CAPN9: variants seen among roughly 807,000 people sequenced by gnomAD.
CAPN9 encodes calpain-9.
CAPN9 carries 81 observed loss-of-function variants against 92.8 expected under a neutral mutation model. That is an observed-to-expected ratio of 0.87 (90% CI 0.73 to 1.05). CAPN9 has a LOEUF of 1.05. Ranked by LOEUF, CAPN9 falls within the 50% of genes least tolerant of loss-of-function variation. The pLI is 0.00. For synonymous variants in CAPN9, 304 were observed against 328.0 expected, an observed-to-expected ratio of 0.93 and a Z score of 0.79; for missense variants, 848 against 866.2, an observed-to-expected ratio of 0.98 and a Z score of 0.26.
intron 19 of CAPN9, among the ~76,000 whole-genome samples, chr1:230,800,151 C>T (rs2102947195): frequency 6.6e-6 from 1 of 150,570 alleles, no homozygotes; most frequent in Non-Finnish European, 1.5e-5. Flanking sequence ...GCACTCCAGC[C>T]TGGGCGACAG....
At chr1:230,749,404 C>G (rs1002376387) in intron 1 of CAPN9, among the ~76,000 whole-genome samples, 10 of 152,244 alleles carry the variant, frequency 6.6e-5, no homozygotes. Flanking sequence ...GCACCGCCCA[C>G]GACCATTAGG....
Position 230,794,021 on chromosome 1 carries a change from A to G in CAPN9, c.1870+1093A>G, listed in dbSNP as rs118034903. 1.9e-4 allele frequency among the ~76,000 whole-genome samples: 29 copies of G among 152,284 alleles called. No homozygotes were observed. The East Asian group carries it at 5.6e-3, about 30-fold the overall frequency. ...CAGCCAGCACTGCCGTGCAGGCTCC[A>G]GGGACTCTGTGCTCTGTGTCTGACC... On this transcript the variant is annotated intron_variant, in intron 17 of 19. Coordinates refer to ENST00000271971, the MANE Select transcript of CAPN9 (RefSeq NM_006615.3).
chr1:230,771,334 C>T (rs6541334), intron 6 of CAPN9, among the ~76,000 whole-genome samples: 105,363 of 152,180 alleles, frequency 0.69, 36,852 homozygotes, highest in African/African-American at 0.72. Context: ...TTACTTTCAC[C>T]CTCTCTCCTC....
chr1:230,792,943 G>A lies in CAPN9; in HGVS notation c.1870+15G>A, dbSNP rs1202738039. ...GAAAGCTGCAGGTAAAGAAAAGACT[G>A]GAGTACAGGTGGCTGACTGCATGCC... On this transcript the variant is annotated intron_variant, in intron 17 of 19. Coordinates refer to ENST00000271971, the MANE Select transcript of CAPN9 (RefSeq NM_006615.3). The A allele has an allele frequency of 3.7e-6, 6 of 1,601,186 alleles. No individual in the cohort carries two copies. Among genetic ancestry groups the A allele is most frequent in the Non-Finnish European group, 4.3e-6 (5 of 1,168,496 alleles).
intron 4 of CAPN9, among the ~76,000 whole-genome samples, chr1:230,765,393 T>TCA (rs1349382221): frequency 6.6e-6 from 1 of 152,132 alleles, no homozygotes. Flanking sequence ...GTGCAGTGAC[T>TCA]CACACCTGTA....
intron 14 of CAPN9, 67 bp downstream of exon 14, chr1:230,790,256 C>T: frequency 6.3e-7 from 1 of 1,584,686 alleles, no homozygotes; most frequent in South Asian, 1.2e-5. Flanking sequence ...CTGCCTGGGT[C>T]CCCTCCCTGC....
chr1:230,780,440 G>T, intron 10 of CAPN9, 60 bp from the exon 11 acceptor site: 2 of 1,603,176 alleles, frequency 1.2e-6, no homozygotes, highest in South Asian at 2.2e-5. Flanking sequence ...TCCATGAATT[G>T]TGTCCGAAAA....
At chr1:230,749,726 C>T (rs754736287) in intron 1 of CAPN9, among the ~76,000 whole-genome samples, 1 of 152,148 alleles carries the variant, frequency 6.6e-6, no homozygotes, top group Non-Finnish European at 1.5e-5. Context: ...AATAATGCAA[C>T]TTATGGGGTC....
chr1:230,798,778 G>A (rs2102944599), intron 19 of CAPN9, among the ~76,000 whole-genome samples: 1 of 152,346 alleles, frequency 6.6e-6, no homozygotes, highest in East Asian at 1.9e-4. Context: ...GGACCCATCT[G>A]CTCACAGGGA....
At chr1:230,752,718 G>A (rs1664926415) in intron 1 of CAPN9, 3 of 984,950 alleles carry the variant, frequency 3.0e-6, no homozygotes, top group African/African-American at 3.5e-5. Flanking sequence ...TCCACTTGAG[G>A]AGTGAGTAGC....
chr1:230,772,873 C>T (rs934269137), intron 7 of CAPN9, among the ~76,000 whole-genome samples: 1 of 151,896 alleles, frequency 6.6e-6, no homozygotes, highest in African/African-American at 2.4e-5. Flanking sequence ...TGTGTGTGTC[C>T]CCACAGCTCC....
At chr1:230,796,536 AT>A (rs1201673628) in intron 18 of CAPN9, among the ~76,000 whole-genome samples, 1 of 152,054 alleles carries the variant, frequency 6.6e-6, no homozygotes, top group Non-Finnish European at 1.5e-5. Flanking sequence ...TGGACAATCA[AT>A]GAGTATGTGT....
intron 3 of CAPN9, among the ~76,000 whole-genome samples, chr1:230,760,164 A>C (rs1343670736): frequency 6.6e-6 from 1 of 151,616 alleles, no homozygotes; most frequent in African/African-American, 2.4e-5. Context: ...CTGCTGCTTC[A>C]CCTCACTTTC....
intron 11 of CAPN9, among the ~76,000 whole-genome samples, chr1:230,783,713 G>A (rs1667381971): frequency 6.6e-6 from 1 of 152,210 alleles, no homozygotes. Flanking sequence ...GCCTAATACA[G>A]AAAATTGGTA....
At chr1:230,782,290 G>T (rs991444249) in intron 11 of CAPN9, among the ~76,000 whole-genome samples, 6 of 152,206 alleles carry the variant, frequency 3.9e-5, no homozygotes, top group Non-Finnish European at 8.8e-5. Flanking sequence ...AGCTGTGTTT[G>T]CATTGGTTTA....
chr1:230,801,546 T>C (rs1336021778), intron 19 of CAPN9, 24 bp from the exon 20 acceptor site: 3 of 1,612,110 alleles, frequency 1.9e-6, no homozygotes, highest in Non-Finnish European at 2.5e-6. Flanking sequence ...CAACGACCCC[T>C]CATCTCTCTC....
At chr1:230,762,148 T>A (rs1278876934) in intron 3 of CAPN9, among the ~76,000 whole-genome samples, 1 of 152,136 alleles carries the variant, frequency 6.6e-6, no homozygotes, top group African/African-American at 2.4e-5. Flanking sequence ...CTGCCTCCTA[T>A]GTGAATGGCC....
intron 2 of CAPN9, among the ~76,000 whole-genome samples, chr1:230,759,137 T>G (rs1665450230): frequency 6.6e-6 from 1 of 152,208 alleles, no homozygotes; most frequent in South Asian, 2.1e-4. Flanking sequence ...CCGAACCACT[T>G]GGGTGGCAGC....
At position 230,786,569 on chromosome 1, in the gene CAPN9, G is replaced by A. The variant is rs1667600103; in HGVS notation, c.1518+552G>A. Among the ~76,000 whole-genome samples the A allele has an allele frequency of 2.6e-5, 4 of 152,210 alleles. No homozygotes were observed. The South Asian group carries it at 8.3e-4, about 32-fold the overall frequency. On this transcript the variant is annotated intron_variant, in intron 12 of 19. Transcript: ENST00000271971. ...TGTGTATGGTTGCGAGGGCCTCTGT[G>A]AAAGGTTGTGGGTTTTGCAGCCTTT...
Sources: gnomAD v4.1 joint callset for allele counts (sites outside exome capture counted in the v4.1 genomes callset) on GRCh38, gnomAD v4.1.1 for gene constraint, MANE v1.5 for transcripts, NCBI Gene and HGNC (gene_info 2026-07-23, HGNC 2026-07-21) for gene names.